Variants in CCDC63 observed in about 807,000 individuals in gnomAD.
CCDC63 encodes the protein coiled-coil domain containing 63.
CCDC63 carries 54 observed loss-of-function variants against 63.6 expected under a neutral mutation model. That is an observed-to-expected ratio of 0.85 (90% CI 0.68 to 1.07). The LOEUF (loss-of-function observed/expected upper bound fraction) is 1.07. CCDC63 is among the 50% of genes least tolerant of loss of function. CCDC63 has a pLI of 0.00. For missense variants in CCDC63, 637 were observed against 689.6 expected (o/e 0.92, Z 0.86); for synonymous variants, 253 against 266.1 (o/e 0.95, Z 0.48).
chr12:110,846,071 G>C (rs1435689786), upstream of CCDC63: 2 of 151,992 alleles, frequency 1.3e-5, no homozygotes, highest in Non-Finnish European at 2.9e-5. Flanking sequence ...CAAAGTGCTA[G>C]GATTATAGGC....
intron 1 of CCDC63, among the ~76,000 whole-genome samples, chr12:110,850,352 A>C (rs1363873854): frequency 2.0e-5 from 3 of 152,264 alleles, no homozygotes; most frequent in Non-Finnish European, 4.4e-5. Context: ...CTGGTTGGGC[A>C]GCTAACTCAC....
In CCDC63 at chr12:110,867,911, C is replaced by G. The variant is rs577968827; in HGVS notation, c.370-5931C>G. On this transcript the variant is annotated intron_variant, in intron 4 of 11. Transcript: ENST00000308208. The stretch of plus-strand genomic sequence containing the variant: ...CTTCCCAGATGGGGTGGCTGCCAGG[C>G]GGAGAGGCTCCTCACTTCTCAGACG... Among the ~76,000 whole-genome samples the G allele has an allele frequency of 8.2e-3, 1,217 of 147,792 alleles. 12 individuals carry two copies. The highest frequency in any genetic ancestry group is 0.037 in the South Asian group (173 of 4,662).
chr12:110,867,908 A>G (rs962734609), intron 4 of CCDC63, among the ~76,000 whole-genome samples: 2,111 of 83,842 alleles, frequency 0.025, no homozygotes, highest in Middle Eastern at 0.04. Context: ...GGTGGCTGCC[A>G]GGCGGAGAGG....
intron 8 of CCDC63, among the ~76,000 whole-genome samples, chr12:110,891,259 T>C (rs2071353052): frequency 6.6e-6 from 1 of 151,244 alleles, no homozygotes; most frequent in South Asian, 2.1e-4. Flanking sequence ...TGCAGTAAGC[T>C]GAGATCACAC....
chr12:110,905,196 A>T (rs11065763), intron 11 of CCDC63, among the ~76,000 whole-genome samples: 45,418 of 151,576 alleles, frequency 0.3, 7,071 homozygotes, highest in Admixed American at 0.34. Flanking sequence ...ACCTATGACC[A>T]CCCTTTCCCT....
At chr12:110,859,464 G>GC (rs1300239060) in intron 4 of CCDC63, among the ~76,000 whole-genome samples, 4 of 151,926 alleles carry the variant, frequency 2.6e-5, no homozygotes, top group Non-Finnish European at 5.9e-5. Flanking sequence ...GCACCACCAT[G>GC]CTGGCTAATT....
intron 6 of CCDC63, among the ~76,000 whole-genome samples, chr12:110,880,717 ATGATGGTTATAGTGATGG>A (rs2071190276): frequency 3.2e-5 from 1 of 31,128 alleles, no homozygotes; most frequent in Admixed American, 2.9e-4. Flanking sequence ...GGTGATGGTG[ATGATGGTTATAGTGATGG>A]GGTGGTGATG....
At chr12:110,847,798 C>A (rs1566111902) in intron 1 of CCDC63, among the ~76,000 whole-genome samples, 1 of 152,190 alleles carries the variant, frequency 6.6e-6, no homozygotes. Context: ...CCTAGGGAAT[C>A]CTTCGGGGGC....
intron 3 of CCDC63, among the ~76,000 whole-genome samples, chr12:110,857,967 A>G (rs552418646): frequency 1.3e-5 from 2 of 151,962 alleles, no homozygotes; most frequent in African/African-American, 2.4e-5. Context: ...GTAACTGGGC[A>G]TGGTGGCTTG....
At chr12:110,855,130 C>T (rs2070754866) in intron 3 of CCDC63, among the ~76,000 whole-genome samples, 2 of 152,202 alleles carry the variant, frequency 1.3e-5, no homozygotes, top group Non-Finnish European at 2.9e-5. Flanking sequence ...ATTCAACTTA[C>T]TCAGGGCCAG....
chr12:110,870,270 C>G (rs1049701511), intron 4 of CCDC63, among the ~76,000 whole-genome samples: 2 of 152,100 alleles, frequency 1.3e-5, no homozygotes, highest in African/African-American at 4.8e-5. Context: ...CTAGTAGAGA[C>G]GGGGTTTCAC....
intron 3 of CCDC63, among the ~76,000 whole-genome samples, chr12:110,854,308 TG>T (rs2070743474): frequency 6.7e-6 from 1 of 149,150 alleles, no homozygotes. Flanking sequence ...TTTTTTTTTT[TG>T]GAGATGGAGT....
At chr12:110,860,036 A>G (rs1269824481) in intron 4 of CCDC63, among the ~76,000 whole-genome samples, 1 of 152,194 alleles carries the variant, frequency 6.6e-6, no homozygotes, top group African/African-American at 2.4e-5. Context: ...TGGAACCCAG[A>G]GCACCCCCAG....
chr12:110,898,363 CTG>C (rs2071439810), intron 9 of CCDC63, among the ~76,000 whole-genome samples: 1 of 151,220 alleles, frequency 6.6e-6, no homozygotes, highest in Admixed American at 6.6e-5. Flanking sequence ...TGGCTCATGC[CTG>C]TAATCTCAGC....
At chr12:110,861,000 A>G (rs763437960) in intron 4 of CCDC63, among the ~76,000 whole-genome samples, 1 of 152,210 alleles carries the variant, frequency 6.6e-6, no homozygotes, top group Non-Finnish European at 1.5e-5. Context: ...CTTATAAATC[A>G]TGGTGGAAGG....
intron 3 of CCDC63, among the ~76,000 whole-genome samples, chr12:110,858,363 C>T (rs1172439032): frequency 6.6e-6 from 1 of 151,936 alleles, no homozygotes; most frequent in Non-Finnish European, 1.5e-5. Context: ...AGAGAAAATA[C>T]CCACCTCAGA....
intron 10 of CCDC63, among the ~76,000 whole-genome samples, chr12:110,900,714 C>T (rs1345714134): frequency 7.9e-5 from 12 of 152,102 alleles, no homozygotes; most frequent in Non-Finnish European, 1.8e-4. Flanking sequence ...ATTCTCCTGC[C>T]TCAGCCCCCC....
intron 4 of CCDC63, among the ~76,000 whole-genome samples, chr12:110,873,019 A>C (rs2071085878): frequency 6.6e-6 from 1 of 152,154 alleles, no homozygotes; most frequent in Non-Finnish European, 1.5e-5. Context: ...GGATCACTTG[A>C]GGCCAGGAGT....
At chr12:110,904,338 C>CAA (rs112819975) in intron 10 of CCDC63, among the ~76,000 whole-genome samples, 58 of 117,046 alleles carry the variant, frequency 5.0e-4, no homozygotes, top group Admixed American at 1.0e-3. Flanking sequence ...CAGACCTTGT[C>CAA]AAAAAAAAAA....
Sources: gnomAD v4.1 joint callset for allele counts (sites outside exome capture counted in the v4.1 genomes callset) on GRCh38, gnomAD v4.1.1 for gene constraint, MANE v1.5 for transcripts, NCBI Gene and HGNC (gene_info 2026-07-23, HGNC 2026-07-21) for gene names.